Variants in IFT122 observed in about 807,000 individuals in gnomAD.
IFT122 encodes the protein intraflagellar transport 122.
IFT122 carries 118 observed loss-of-function variants against 161.6 expected under a neutral mutation model. The ratio of observed to expected loss-of-function variants is 0.73; its 90% confidence interval spans 0.63 to 0.85. IFT122 has a LOEUF of 0.85. Ranked by LOEUF, IFT122 falls within the 40% of genes least tolerant of loss-of-function variation. The pLI, the probability that IFT122 is intolerant of heterozygous loss-of-function variation, is 0.00. For missense variants in IFT122, 1,381 were observed against 1,579.6 expected (o/e 0.87, Z 2.13); for synonymous variants, 550 against 602.4 (o/e 0.91, Z 1.27).
rs780637283 is a variant in IFT122 at position 129,500,072 on chromosome 3, G to A, written c.2375+4G>A. ...GTGACCATGGCTGGGTTGACATGTA[G>A]GTTTTGGTCCCTGCCCCGAGAAGCA... On this transcript the variant is annotated splice_donor_region_variant and intron_variant, in intron 19 of 29. Coordinates refer to ENST00000348417, the MANE Select transcript of IFT122 (RefSeq NM_052989.3). 1 of 1,614,182 alleles carries A rather than the reference G, an allele frequency of 6.2e-7. No individual in the cohort carries two copies. The highest frequency in any genetic ancestry group is 8.5e-7 in the Non-Finnish European group (1 of 1,180,038).
At chr3:129,450,713 GTTTTTTT>G (rs747032492) in intron 2 of IFT122, among the ~76,000 whole-genome samples, 4 of 80,990 alleles carry the variant, frequency 4.9e-5, no homozygotes, top group East Asian at 8.5e-4. Context: ...GTGTGTGTGT[GTTTTTTT>G]TTTTTTTTTT....
At position 129,512,326 on chromosome 3, in the gene IFT122, T is replaced by G. The variant is rs776428756; in HGVS notation, c.2901T>G (p.Ser967Arg). Reference protein sequence around the residue: ...AIHRHTEDPFSVHRPETLFNI... With the variant: ...AIHRHTEDPFRVHRPETLFNI... ...TCTCACTGCAGGAAGATCCGTTCAG[T>G]GTCCATCGTCCTGAAACTCTTTTCA... The change falls in exon 24 of 30, where the codon AGT (serine) becomes AGG (arginine). Residue 967 changes from serine (S) to arginine (R), a missense_variant. Coordinates refer to ENST00000348417, the MANE Select transcript of IFT122 (RefSeq NM_052989.3). 3.7e-6 allele frequency: 6 copies of G among 1,613,612 alleles called. No individual in the cohort carries two copies. The highest frequency in any genetic ancestry group is 5.1e-6 in the Non-Finnish European group (6 of 1,179,566).
At chr3:129,456,453 A>G (rs1417142009) in intron 3 of IFT122, among the ~76,000 whole-genome samples, 1 of 152,128 alleles carries the variant, frequency 6.6e-6, no homozygotes, top group Non-Finnish European at 1.5e-5. Context: ...CCTGGCCAAC[A>G]CAGTGAAACC....
intron 11 of IFT122, 145 bp downstream of exon 11, chr3:129,476,946 T>TG (rs1430153539): frequency 2.2e-5 from 4 of 178,272 alleles, no homozygotes; most frequent in East Asian, 1.8e-4. Context: ...TCTTGTTTTC[T>TG]TTTTTTTTTT....
At chr3:129,495,296 T>G in intron 17 of IFT122, 150 bp from the exon 18 acceptor site, 2 of 1,082,662 alleles carry the variant, frequency 1.8e-6, no homozygotes, top group East Asian at 2.6e-5. Context: ...AGCGGGAACC[T>G]AGGGGAGAGA....
At position 129,502,733 on chromosome 3, in the gene IFT122, CTG is replaced by C. The variant is rs767352808; in HGVS notation, c.2399_2400del (p.Leu800ArgfsTer4). ...CAGGTTGATCGACATCGCCCGCAAA[CTG>C]GACAAGGCTGAGCGCGAGCCCCTGC... ...VDMLIDIARK[L>X]DKAEREPLLL... On this transcript the variant is annotated frameshift_variant, in exon 20 of 30. Coordinates refer to ENST00000348417, the MANE Select transcript of IFT122 (RefSeq NM_052989.3). LOFTEE classifies it high-confidence loss of function. 3.1e-6 allele frequency: 5 copies of C among 1,609,666 alleles called. No individual in the cohort carries two copies. The highest frequency in any genetic ancestry group is 4.2e-6 in the Non-Finnish European group (5 of 1,180,012).
Position 129,481,698 on chromosome 3 carries a change from A to G in IFT122, c.1653+4A>G, listed in dbSNP as rs1475235450. 5 of 1,613,932 alleles carry G rather than the reference A, an allele frequency of 3.1e-6. No homozygotes were observed. In the South Asian group the frequency reaches 5.5e-5, roughly 18 times the overall value. ...CACCAAGGAGCTGCTTTTTCAGGTG[A>G]AGTCCCTGAGGGGGCCCAGGGACAT... On this transcript the variant is annotated splice_donor_region_variant and intron_variant, in intron 14 of 29. Coordinates refer to ENST00000348417, the MANE Select transcript of IFT122 (RefSeq NM_052989.3).
intron 15 of IFT122, among the ~76,000 whole-genome samples, chr3:129,484,778 T>C (rs68126204): frequency 0.13 from 19,592 of 152,244 alleles, 1,592 homozygotes; most frequent in South Asian, 0.24. Flanking sequence ...ATGTTCTTAT[T>C]CTGCATGGCA....
At position 129,456,297 on chromosome 3, in the gene IFT122, G is replaced by A. The variant is rs893921058; in HGVS notation, c.194-2302G>A. On this transcript the variant is annotated intron_variant, in intron 3 of 29. Transcript: ENST00000348417. ...CAGTTTCTTTGTTTATTTAGTATTT[G>A]CAGCAATATCATATGGCTCACCCTA... 17 of 1,232,086 alleles carry A rather than the reference G, an allele frequency of 1.4e-5. No homozygotes were observed. In the African/African-American group the frequency reaches 2.2e-4, roughly 16 times the overall value. 76.3% of individuals were successfully genotyped at this position (1,232,086 alleles called of 1,614,324 possible).
In IFT122 at chr3:129,440,318, A is replaced by T; in HGVS notation, c.-13A>T. The T allele has an allele frequency of 6.4e-7, 1 of 1,550,722 alleles. No individual in the cohort carries two copies. Among genetic ancestry groups the T allele is most frequent in the East Asian group, 2.4e-5 (1 of 40,910 alleles). On this transcript the variant is annotated 5_prime_UTR_variant, in exon 1 of 30. Transcript: ENST00000348417. ...GGCGGGTAGGAGGAGCCCGAGCCGT[A>T]AGGGAAGCCGTGATGAGGGCCGTGT...
intron 16 of IFT122, among the ~76,000 whole-genome samples, chr3:129,490,292 C>T (rs2079908360): frequency 6.6e-6 from 1 of 152,176 alleles, no homozygotes; most frequent in Admixed American, 6.5e-5. Flanking sequence ...CCGAGTACCC[C>T]ACCTCTTTAC....
intron 20 of IFT122, among the ~76,000 whole-genome samples, chr3:129,503,414 C>T (rs952939242): frequency 2.0e-5 from 3 of 152,120 alleles, no homozygotes; most frequent in Non-Finnish European, 4.4e-5. Context: ...AAAGAATTAG[C>T]CAGGTCAGCG....
At chr3:129,492,250 A>G in intron 17 of IFT122, 56 bp downstream of exon 17, 2 of 1,353,568 alleles carry the variant, frequency 1.5e-6, no homozygotes, top group Non-Finnish European at 2.1e-6. Flanking sequence ...TTCCTGTTTT[A>G]GGGGCAGCCC....
chr3:129,517,289 CACACACACACACAG>C (rs2084064711), intron 26 of IFT122, among the ~76,000 whole-genome samples, 166 bp from the exon 27 acceptor site: 2 of 150,940 alleles, frequency 1.3e-5, no homozygotes, highest in South Asian at 2.1e-4. Flanking sequence ...CACACACACA[CACACACACACACAG>C]AGACTGCTCC....
Position 129,492,156 on chromosome 3 carries a change from C to G in IFT122, c.2008C>G (p.Gln670Glu). 1 of 1,613,028 alleles carries G rather than the reference C, an allele frequency of 6.2e-7. No individual in the cohort carries two copies. Among genetic ancestry groups the G allele is most frequent in the Non-Finnish European group, 8.5e-7 (1 of 1,179,094 alleles). The change falls in exon 17 of 30, where the codon CAA (glutamine) becomes GAA (glutamate). Residue 670 changes from glutamine (Q) to glutamate (E), a missense_variant. This residue lies in a region of IFT122 where 496 missense variants were observed against 502.5 expected (regional missense o/e 0.99). Coordinates refer to ENST00000348417, the MANE Select transcript of IFT122 (RefSeq NM_052989.3). ...TTCGCCACAGGCCTTCATCAGAGTACAAGACCTCCGATATTTAGAGCTCAT... is the reference window on the plus strand; with the variant it reads ...TTCGCCACAGGCCTTCATCAGAGTAGAAGACCTCCGATATTTAGAGCTCAT... ...ETAKKAFIRVQDLRYLELISS... is the reference protein window; with the variant it reads ...ETAKKAFIRVEDLRYLELISS...
At chr3:129,452,827 G>T (rs909621619) in intron 3 of IFT122, among the ~76,000 whole-genome samples, 4 of 150,808 alleles carry the variant, frequency 2.7e-5, no homozygotes, top group African/African-American at 7.2e-5. Context: ...ATCTGTGTGA[G>T]GAAGCATCAT....
At chr3:129,475,944 G>A (rs2108271268) in intron 9 of IFT122, among the ~76,000 whole-genome samples, 1 of 152,328 alleles carries the variant, frequency 6.6e-6, no homozygotes, top group Non-Finnish European at 1.5e-5. Context: ...AGAAGCTGAG[G>A]GAACCCATTG....
chr3:129,443,787 A>G (rs964779770), intron 1 of IFT122, among the ~76,000 whole-genome samples: 19 of 152,268 alleles, frequency 1.2e-4, no homozygotes, highest in Admixed American at 6.5e-4. Flanking sequence ...GGCAAATCAG[A>G]CATATATGAT....
chr3:129,462,456 A>C (rs1020631920), intron 5 of IFT122, among the ~76,000 whole-genome samples: 1 of 152,212 alleles, frequency 6.6e-6, no homozygotes, highest in Admixed American at 6.5e-5. Flanking sequence ...AAAGAGGTAG[A>C]GGTCCCTTAG....
Sources: gnomAD v4.1 joint callset for allele counts (sites outside exome capture counted in the v4.1 genomes callset) on GRCh38, gnomAD v4.1.1 for gene constraint, gnomAD v4.1.1 regional missense constraint, MANE v1.5 for transcripts, NCBI Gene and HGNC (gene_info 2026-07-23, HGNC 2026-07-21) for gene names.